The following ROBO1 variants were observed in gnomAD, a reference collection of about 807,000 sequenced individuals.
ROBO1 encodes the protein roundabout guidance receptor 1, also known as roundabout homolog 1.
ROBO1 carries 149 observed loss-of-function variants against 195.9 expected under a neutral mutation model. That is an observed-to-expected ratio of 0.76 (90% CI 0.67 to 0.87). The LOEUF (loss-of-function observed/expected upper bound fraction) is 0.87. ROBO1 is among the 40% of genes least tolerant of loss of function. The pLI is 0.00. For missense variants in ROBO1, 1,933 were observed against 2,068.3 expected, an observed-to-expected ratio of 0.93 and a Z score of 1.27; for synonymous variants, 816 against 733.2, an observed-to-expected ratio of 1.11 and a Z score of -1.82.
Position 78,717,294 on chromosome 3 carries a change from C to T in ROBO1, c.898G>A (p.Gly300Arg). Reference sequence around the variant, plus strand: ...GTGTACCTGGATTTGGGCAGCTCTCCATCATCTTTCCTCCATCGTACTGTA... The same window carrying T: ...GTGTACCTGGATTTGGGCAGCTCTCTATCATCTTTCCTCCATCGTACTGTA... Reference protein sequence around the residue: ...VPTVRWRKDDGELPKSRYEIR... With the variant: ...VPTVRWRKDDRELPKSRYEIR... Residue 300 changes from glycine (G) to arginine (R), a missense_variant, in exon 7 of 31, where the codon GGA (glycine) becomes AGA (arginine). By Grantham distance (125) the Gly-to-Arg change is moderately radical. Transcript: ENST00000464233. The T allele has an allele frequency of 6.3e-7, 1 of 1,581,098 alleles. No individual in the cohort carries two copies. Among genetic ancestry groups the T allele is most frequent in the Non-Finnish European group, 8.6e-7 (1 of 1,167,482 alleles).
intron 2 of ROBO1, among the ~76,000 whole-genome samples, chr3:79,579,786 A>C (rs1468987245): frequency 6.6e-6 from 1 of 152,192 alleles, no homozygotes; most frequent in Non-Finnish European, 1.5e-5. Flanking sequence ...AAGGCAAGAA[A>C]AGAAATAAAA....
chr3:78,614,972 C>G (rs1200207369), intron 27 of ROBO1, among the ~76,000 whole-genome samples, 172 bp from the exon 28 acceptor site: 2 of 152,108 alleles, frequency 1.3e-5, no homozygotes, highest in Non-Finnish European at 2.9e-5. Flanking sequence ...TGTCACTCTG[C>G]TATTTACTGG....
At chr3:79,107,416 C>T (rs779232385) in intron 3 of ROBO1, among the ~76,000 whole-genome samples, 15 of 151,622 alleles carry the variant, frequency 9.9e-5, no homozygotes, top group Admixed American at 5.3e-4. Flanking sequence ...AGCAGAGTTG[C>T]AAACATAAAA....
intron 2 of ROBO1, among the ~76,000 whole-genome samples, chr3:79,568,875 G>A (rs1943178138): frequency 6.6e-6 from 1 of 151,944 alleles, no homozygotes; most frequent in Admixed American, 6.6e-5. Flanking sequence ...AATAGGTTCT[G>A]CTGAAATTTC....
At chr3:78,964,629 A>G (rs1265960184) in intron 3 of ROBO1, among the ~76,000 whole-genome samples, 2 of 152,162 alleles carry the variant, frequency 1.3e-5, no homozygotes, top group Non-Finnish European at 2.9e-5. Flanking sequence ...GAGAATGAAG[A>G]GCAGTGGGAA....
At chr3:79,080,052 A>C (rs2079243357) in intron 3 of ROBO1, among the ~76,000 whole-genome samples, 1 of 151,876 alleles carries the variant, frequency 6.6e-6, no homozygotes, top group Non-Finnish European at 1.5e-5. Flanking sequence ...AAGAACAAGA[A>C]TATAAACAAG....
At chr3:78,734,443 C>A (rs2082348859) in intron 5 of ROBO1, among the ~76,000 whole-genome samples, 1 of 151,914 alleles carries the variant, frequency 6.6e-6, no homozygotes, top group East Asian at 1.9e-4. Context: ...ATACTGTAGT[C>A]CCAGCTACTC....
At chr3:79,542,471 C>T (rs1192761154) in intron 2 of ROBO1, among the ~76,000 whole-genome samples, 1 of 151,944 alleles carries the variant, frequency 6.6e-6, no homozygotes, top group Non-Finnish European at 1.5e-5. Flanking sequence ...TATTTTTAAG[C>T]TAACTTTAGC....
chr3:79,645,105 C>T (rs1945779804), intron 1 of ROBO1, among the ~76,000 whole-genome samples: 1 of 152,006 alleles, frequency 6.6e-6, no homozygotes, highest in Non-Finnish European at 1.5e-5. Context: ...TACATAAAAA[C>T]AGTAGAAAGA....
intron 2 of ROBO1, among the ~76,000 whole-genome samples, chr3:79,388,816 A>G (rs71324667): frequency 6.6e-6 from 1 of 152,164 alleles, no homozygotes; most frequent in Non-Finnish European, 1.5e-5. Context: ...TTATAATTTC[A>G]GATACCTGAG....
chr3:79,547,919 G>A (rs1942331453), intron 2 of ROBO1, among the ~76,000 whole-genome samples: 1 of 152,128 alleles, frequency 6.6e-6, no homozygotes, highest in African/African-American at 2.4e-5. Flanking sequence ...GCCACATGAT[G>A]TGACTTATTT....
At chr3:79,221,027 T>A (rs2082128497) in intron 2 of ROBO1, among the ~76,000 whole-genome samples, 1 of 152,060 alleles carries the variant, frequency 6.6e-6, no homozygotes, top group African/African-American at 2.4e-5. Context: ...CAAATGCTTT[T>A]GGGAAGTGGG....
At chr3:78,777,809 A>G (rs2083548872) in intron 4 of ROBO1, among the ~76,000 whole-genome samples, 1 of 152,184 alleles carries the variant, frequency 6.6e-6, no homozygotes, top group Non-Finnish European at 1.5e-5. Flanking sequence ...CTCTCTTACT[A>G]TTTGAATACC....
intron 4 of ROBO1, among the ~76,000 whole-genome samples, chr3:78,757,562 G>GT (rs1230851531): frequency 6.6e-6 from 1 of 152,000 alleles, no homozygotes; most frequent in Non-Finnish European, 1.5e-5. Flanking sequence ...GGTGATAATG[G>GT]TAACAGTCTC....
intron 2 of ROBO1, among the ~76,000 whole-genome samples, chr3:79,265,421 T>C (rs1228702572): frequency 1.3e-5 from 2 of 151,612 alleles, no homozygotes; most frequent in African/African-American, 2.4e-5. Flanking sequence ...ATAAGCCAAG[T>C]ACTGATGAAA....
At chr3:79,183,384 T>C (rs2081380953) in intron 2 of ROBO1, among the ~76,000 whole-genome samples, 1 of 152,182 alleles carries the variant, frequency 6.6e-6, no homozygotes, top group African/African-American at 2.4e-5. Context: ...AGGGCAAGTT[T>C]ATCTGCAGAA....
intron 3 of ROBO1, among the ~76,000 whole-genome samples, chr3:78,973,642 A>G (rs1379110588): frequency 6.7e-6 from 1 of 148,564 alleles, no homozygotes; most frequent in African/African-American, 2.5e-5. Context: ...CTTTTTTGCA[A>G]TCACCACAGA....
rs1165797424 is a variant in ROBO1, at chr3:79,385,509, T to C, written c.88+204315A>G. Among the ~76,000 whole-genome samples, 3 of 152,124 alleles carry C rather than the reference T, an allele frequency of 2.0e-5. 1 individual carries two copies. Among genetic ancestry groups the C allele is most frequent in the Non-Finnish European group, 2.9e-5 (2 of 67,996 alleles). ...TGCACAAAATATCTTCATGCCTTTA[T>C]GTGTTATCTTTCCGCAAGACCAGCT... On this transcript the variant is annotated intron_variant, in intron 2 of 30. Coordinates refer to ENST00000464233, the MANE Select transcript of ROBO1 (RefSeq NM_002941.4).
At chr3:78,719,648 G>A (rs1410900710) in intron 5 of ROBO1, among the ~76,000 whole-genome samples, 1 of 152,092 alleles carries the variant, frequency 6.6e-6, no homozygotes, top group Non-Finnish European at 1.5e-5. Context: ...AAATGTTCAA[G>A]AAATTTTACA....
Sources: allele counts gnomAD v4.1 joint callset (sites outside exome capture counted in the v4.1 genomes callset), GRCh38; gene constraint gnomAD v4.1.1; transcripts MANE v1.5; gene names NCBI Gene and HGNC (gene_info 2026-07-23, HGNC 2026-07-21).